FAT4: variants seen among roughly 807,000 people sequenced by gnomAD.
FAT4 encodes FAT atypical cadherin 4, also known as protocadherin Fat 4.
Under a neutral mutation model 303.9 loss-of-function variants are expected in FAT4, and 84 were observed. The ratio of observed to expected loss-of-function variants is 0.28; its 90% CI spans 0.23 to 0.33. FAT4 has a LOEUF of 0.33. Ranked by LOEUF, FAT4 falls within the 10% of genes least tolerant of loss-of-function variation. FAT4 has a pLI of 1.00. For missense variants in FAT4, 6,005 were observed against 6,146.8 expected (o/e 0.98, Z 0.77); for synonymous variants, 2,307 against 2,298.8 (o/e 1.00, Z -0.10).
In FAT4 at chr4:125,316,584, G is replaced by T. The variant is rs749929736; in HGVS notation, c.173G>T (p.Gly58Val). ...VFQVLEEQPP[G>V]TLVGTIQTRP... ...CAAGTGCTGGAAGAGCAACCTCCAG[G>T]CACTCTGGTAGGCACCATCCAGACG... Residue 58 changes from glycine (G) to valine (V), a missense_variant, in exon 2 of 18, where the codon GGC (glycine) becomes GTC (valine). Gly to Val is a moderately radical substitution (Grantham distance 109, BLOSUM62 -3). Coordinates refer to ENST00000394329, the MANE Select transcript of FAT4 (RefSeq NM_001291303.3). The surrounding 1 kb of genome is among the most constrained non-coding windows in gnomAD (Gnocchi z 5.7). 13 of 1,613,856 alleles carry T rather than the reference G, an allele frequency of 8.1e-6. No homozygotes were observed. Among genetic ancestry groups the T allele is most frequent in the Non-Finnish European group, 1.1e-5 (13 of 1,180,030 alleles).
In FAT4 at chr4:125,491,834, T is replaced by G. The variant is rs1374037759; in HGVS notation, c.*66T>G. On this transcript the variant is annotated 3_prime_UTR_variant, in exon 18 of 18. Transcript: ENST00000394329. ...AATACTCAAACCATTGTAAAGTTGC[T>G]GACTAGGTTGGGTCACATTTGAAAA... The G allele has an allele frequency of 1.4e-6, 2 of 1,466,086 alleles. No homozygotes were observed. Among genetic ancestry groups the G allele is most frequent in the Non-Finnish European group, 9.1e-7 (1 of 1,102,672 alleles). The allele number at this position is 1,466,086 out of a possible 1,614,324, so 90.8% of individuals were successfully genotyped here. A position where few individuals can be genotyped will look rare whatever the true frequency, so the allele number is the denominator to read the frequency against.
At chr4:125,444,887 T>C (rs987980432) in intron 8 of FAT4, among the ~76,000 whole-genome samples, 3 of 152,154 alleles carry the variant, frequency 2.0e-5, no homozygotes, top group Non-Finnish European at 4.4e-5. Context: ...TTCTACACTT[T>C]GTAAAACGTT....
intron 12 of FAT4, among the ~76,000 whole-genome samples, chr4:125,475,285 T>C (rs72675377): frequency 0.11 from 17,292 of 152,074 alleles, 1,261 homozygotes; most frequent in East Asian, 0.27. Flanking sequence ...AATATAGATA[T>C]ACAACTTTGG....
chr4:125,485,413 A>T (rs1727374467), intron 16 of FAT4, among the ~76,000 whole-genome samples: 1 of 151,870 alleles, frequency 6.6e-6, no homozygotes, highest in African/African-American at 2.4e-5. Flanking sequence ...AAAGTTTTTT[A>T]TTTCATTTTA....
intron 12 of FAT4, among the ~76,000 whole-genome samples, chr4:125,475,279 T>C (rs914003221): frequency 3.3e-5 from 5 of 152,084 alleles, no homozygotes; most frequent in African/African-American, 1.2e-4. Context: ...CACAATAATA[T>C]AGATATACAA....
intron 3 of FAT4, among the ~76,000 whole-genome samples, chr4:125,400,224 T>C (rs1007539921): frequency 1.3e-5 from 2 of 151,980 alleles, no homozygotes; most frequent in African/African-American, 4.8e-5. Context: ...ATGTTAATTA[T>C]AATAGATATT....
At chr4:125,446,235 A>G in intron 8 of FAT4, 58 bp from the exon 9 acceptor site, 1 of 1,420,432 alleles carries the variant, frequency 7.0e-7, no homozygotes, top group Non-Finnish European at 9.6e-7. Context: ...ATTATAGTAA[A>G]TAGAAGTTAC....
Position 125,434,379 on chromosome 4 carries a change from T to C in FAT4, c.7153T>C (p.Leu2385=). ...EDAPTGTDVL[L]VNASDADASK... is the part of the protein sequence containing the mutation. ...TGCACCAACTGGAACAGATGTTTTA[T>C]TGGTAAATGCCTCAGATGCTGATGC... is the stretch of plus-strand genomic sequence containing the variant. The change falls in exon 8 of 18, where the codon TTG becomes CTG. Residue 2385 remains leucine, a synonymous_variant. Coordinates refer to ENST00000394329, the MANE Select transcript of FAT4 (RefSeq NM_001291303.3). 1.2e-6 allele frequency: 2 copies of C among 1,614,092 alleles called. No homozygotes were observed. Among genetic ancestry groups the C allele is most frequent in the Non-Finnish European group, 1.7e-6 (2 of 1,179,974 alleles).
At chr4:125,382,096 C>T (rs1733563709) in intron 2 of FAT4, among the ~76,000 whole-genome samples, 1 of 152,152 alleles carries the variant, frequency 6.6e-6, no homozygotes, top group Non-Finnish European at 1.5e-5. Context: ...GTTTTGAACC[C>T]TTCAAAGTCA....
chr4:125,450,695 G>A lies in FAT4; in HGVS notation c.9685G>A (p.Ala3229Thr), dbSNP rs1461356168. 6.2e-7 allele frequency: 1 copy of A among 1,614,066 alleles called. No individual in the cohort carries two copies. ...AACAGATGCTGACTCTGGAACAAAT[G>A]CTGTGATTGCGTATACTGTACAGTC... ...NATDADSGTN[A>T]VIAYTVQSSD... is the part of the protein sequence containing the mutation. The change falls in exon 10 of 18, where the codon GCT (alanine) becomes ACT (threonine). Residue 3229 changes from alanine (A) to threonine (T), a missense_variant. Ala to Thr is a moderately conservative substitution (Grantham distance 58). Coordinates refer to ENST00000394329, the MANE Select transcript of FAT4 (RefSeq NM_001291303.3).
intron 5 of FAT4, among the ~76,000 whole-genome samples, chr4:125,410,320 A>AC (rs1412304768): frequency 6.6e-6 from 1 of 152,120 alleles, no homozygotes; most frequent in African/African-American, 2.4e-5. Context: ...TCAAGAACTG[A>AC]CATCTGCCAA....
intron 2 of FAT4, among the ~76,000 whole-genome samples, chr4:125,341,359 A>G (rs1162179617): frequency 6.6e-6 from 1 of 152,116 alleles, no homozygotes; most frequent in East Asian, 1.9e-4. Context: ...GGGAATTCAT[A>G]CAAATGTTAG....
intron 2 of FAT4, among the ~76,000 whole-genome samples, chr4:125,379,740 A>G (rs11725122): frequency 0.99 from 150,696 of 152,104 alleles, 74,658 homozygotes; most frequent in East Asian, 1. Flanking sequence ...GATTACAGGT[A>G]TGAGCCACCG....
chr4:125,482,875 T>A (rs1474805100), intron 16 of FAT4, among the ~76,000 whole-genome samples: 1 of 152,222 alleles, frequency 6.6e-6, no homozygotes, highest in African/African-American at 2.4e-5. Context: ...AAACCAATAT[T>A]TCTTACCTTC....
chr4:125,319,845 A>G lies in FAT4; in HGVS notation c.3434A>G (p.Asp1145Gly). Reference protein sequence around the residue: ...VRYSFEMVQPDFELHAISGEI... With the variant: ...VRYSFEMVQPGFELHAISGEI... ...TATTCTTTTGAAATGGTGCAGCCAG[A>G]TTTTGAGTTGCATGCCATCAGTGGG... Residue 1145 changes from aspartate (D) to glycine (G), a missense_variant, in exon 2 of 18, where the codon GAT becomes GGT. Physicochemically the swap from Asp to Gly is moderately conservative, Grantham distance 94 (BLOSUM62 -1). Coordinates refer to ENST00000394329, the MANE Select transcript of FAT4 (RefSeq NM_001291303.3). 6.2e-7 allele frequency: 1 copy of G among 1,614,172 alleles called. No individual in the cohort carries two copies. Among genetic ancestry groups the G allele is most frequent in the Non-Finnish European group, 8.5e-7 (1 of 1,180,010 alleles).
Position 125,449,718 on chromosome 4 carries a change from A to T in FAT4, c.8708A>T (p.Glu2903Val). The stretch of plus-strand genomic sequence containing the variant: ...CAGGTATTTGCAACAGATCCTGATG[A>T]GGGATCAAATGGACAAGTGTTTTAT... ...VTQVFATDPD[E>V]GSNGQVFYFI... The change falls in exon 10 of 18, where the codon GAG (glutamate) becomes GTG (valine). Residue 2903 changes from glutamate to valine, a missense_variant. Physicochemically the swap from Glu to Val is moderately radical, Grantham distance 121 (BLOSUM62 -2). Transcript: ENST00000394329. 1 of 1,613,926 alleles carries T rather than the reference A, an allele frequency of 6.2e-7. No homozygotes were observed. Among genetic ancestry groups the T allele is most frequent in the Non-Finnish European group, 8.5e-7 (1 of 1,179,868 alleles).
At chr4:125,405,203 C>T (rs562965025) in intron 3 of FAT4, among the ~76,000 whole-genome samples, 5 of 151,864 alleles carry the variant, frequency 3.3e-5, no homozygotes, top group Non-Finnish European at 5.9e-5. Context: ...TTTATCTATT[C>T]GTTTGTTAAT....
chr4:125,321,644 C>T (rs892098443), intron 2 of FAT4, 58 bp downstream of exon 2: 13 of 1,470,090 alleles, frequency 8.8e-6, no homozygotes, highest in African/African-American at 1.4e-5. Flanking sequence ...AAATCATTCT[C>T]TTTATATTTA....
At chr4:125,365,981 G>A (rs1381064384) in intron 2 of FAT4, among the ~76,000 whole-genome samples, 3 of 152,032 alleles carry the variant, frequency 2.0e-5, no homozygotes, top group African/African-American at 7.2e-5. Flanking sequence ...TGTCAGATCA[G>A]CCCCTGCTTT....
Sources: gnomAD v4.1 joint callset for allele counts (sites outside exome capture counted in the v4.1 genomes callset) on GRCh38, gnomAD v4.1.1 for gene constraint, Gnocchi (gnomAD v3.1) non-coding constraint, MANE v1.5 for transcripts, NCBI Gene and HGNC (gene_info 2026-07-23, HGNC 2026-07-21) for gene names.